Variants in ZNF277 observed in about 807,000 individuals in gnomAD.
ZNF277 encodes zinc finger protein 277, also known as nuclear receptor-interacting factor 4.
Under a neutral mutation model 60.7 loss-of-function variants are expected in ZNF277, and 55 were observed. The ratio of observed to expected loss-of-function variants is 0.91; its 90% CI spans 0.73 to 1.13. ZNF277 has a LOEUF of 1.13. Among genes scored for constraint, ZNF277 ranks in the 50% most tolerant of loss-of-function variants. The pLI is 0.00. For synonymous variants in ZNF277, 178 were observed against 179.3 expected (o/e 0.99, Z 0.06); for missense variants, 510 against 523.0 (o/e 0.98, Z 0.24).
intron 1 of ZNF277, among the ~76,000 whole-genome samples, chr7:112,262,651 C>G (rs1191699336): frequency 1.3e-5 from 2 of 151,980 alleles, no homozygotes; most frequent in Non-Finnish European, 2.9e-5. Flanking sequence ...TAGAGGGCTA[C>G]ATATTTTTAA....
chr7:112,271,064 G>A (rs1472366343), intron 1 of ZNF277, among the ~76,000 whole-genome samples: 14 of 152,064 alleles, frequency 9.2e-5, no homozygotes. Context: ...TATTCATTAG[G>A]ATGTCATTTT....
intron 1 of ZNF277, among the ~76,000 whole-genome samples, chr7:112,252,422 G>A (rs779836802): frequency 3.3e-5 from 5 of 152,064 alleles, no homozygotes; most frequent in Admixed American, 1.3e-4. Context: ...TTCTGTGTGC[G>A]GTACAAGGGT....
chr7:112,245,648 ACCT>A (rs920833165), intron 1 of ZNF277, among the ~76,000 whole-genome samples: 12 of 152,052 alleles, frequency 7.9e-5, no homozygotes, highest in African/African-American at 2.9e-4. Context: ...CTTTCCGGCA[ACCT>A]TTGGCATTCC....
At chr7:112,316,741 T>C (rs1192395678) in intron 4 of ZNF277, among the ~76,000 whole-genome samples, 1 of 152,100 alleles carries the variant, frequency 6.6e-6, no homozygotes, top group Non-Finnish European at 1.5e-5. Flanking sequence ...GAAGACGGTG[T>C]GGCAATTCCT....
chr7:112,210,014 G>A (rs1402918225), intron 1 of ZNF277, among the ~76,000 whole-genome samples: 1 of 152,142 alleles, frequency 6.6e-6, no homozygotes, highest in Non-Finnish European at 1.5e-5. Context: ...GGGGGATGGG[G>A]AAGGGATAGC....
intron 4 of ZNF277, among the ~76,000 whole-genome samples, chr7:112,316,328 T>C (rs1466303567): frequency 3.3e-5 from 5 of 152,154 alleles, no homozygotes; most frequent in African/African-American, 9.7e-5. Flanking sequence ...TGTTGGTTTT[T>C]TTCATATATT....
chr7:112,246,359 A>G (rs555042195), intron 1 of ZNF277, among the ~76,000 whole-genome samples: 1 of 152,162 alleles, frequency 6.6e-6, no homozygotes, highest in Non-Finnish European at 1.5e-5. Context: ...ATGCCACTGC[A>G]CTCCAGCCTC....
intron 1 of ZNF277, among the ~76,000 whole-genome samples, chr7:112,248,739 T>C (rs941871173): frequency 5.9e-5 from 9 of 152,160 alleles, no homozygotes; most frequent in African/African-American, 2.2e-4. Flanking sequence ...CCTAGTCTGA[T>C]TGTTTTAGGC....
chr7:112,336,036 A>G, intron 7 of ZNF277, 68 bp from the exon 8 acceptor site: 2 of 1,379,556 alleles, frequency 1.4e-6, no homozygotes, highest in East Asian at 4.8e-5. Context: ...GATTTTTTTC[A>G]AAGTTCTACA....
chr7:112,328,737 G>T (rs1372559023), intron 6 of ZNF277, among the ~76,000 whole-genome samples: 1 of 151,994 alleles, frequency 6.6e-6, no homozygotes, highest in East Asian at 1.9e-4. Flanking sequence ...GGGCATGGTG[G>T]TGCATGCCTG....
At chr7:112,301,502 C>T (rs758143277) in intron 4 of ZNF277, among the ~76,000 whole-genome samples, 7 of 152,078 alleles carry the variant, frequency 4.6e-5, no homozygotes, top group East Asian at 1.9e-4. Context: ...AGGCAATGGT[C>T]CCTGCCCTTG....
chr7:112,324,058 A>G (rs1793043746), intron 5 of ZNF277, among the ~76,000 whole-genome samples: 1 of 152,230 alleles, frequency 6.6e-6, no homozygotes, highest in South Asian at 2.1e-4. Flanking sequence ...GCTTTTAAGG[A>G]CCATTGTGAA....
intron 9 of ZNF277, 143 bp from the exon 10 acceptor site, chr7:112,339,700 C>G: frequency 1.4e-6 from 1 of 733,850 alleles, no homozygotes; most frequent in South Asian, 1.8e-5. Flanking sequence ...AGTAGTTAGA[C>G]TTGGAAGACT....
At chr7:112,315,891 A>G (rs1792834087) in intron 4 of ZNF277, among the ~76,000 whole-genome samples, 1 of 152,090 alleles carries the variant, frequency 6.6e-6, no homozygotes, top group African/African-American at 2.4e-5. Flanking sequence ...ATTTTGTAAG[A>G]AAGATTTTAA....
At chr7:112,337,404 GAT>G (rs1793354966) in intron 8 of ZNF277, among the ~76,000 whole-genome samples, 1 of 152,190 alleles carries the variant, frequency 6.6e-6, no homozygotes, top group African/African-American at 2.4e-5. Context: ...CACATTTTCT[GAT>G]ATGTCTCCTT....
At chr7:112,314,631 A>C (rs1481546411) in intron 4 of ZNF277, among the ~76,000 whole-genome samples, 1 of 152,022 alleles carries the variant, frequency 6.6e-6, no homozygotes, top group African/African-American at 2.4e-5. Context: ...CTGTCTCTAC[A>C]AAAAAATACA....
Position 112,318,272 on chromosome 7 carries a change from A to AG in ZNF277, c.557+1dup, listed in dbSNP as rs1381524963. On this transcript the variant is annotated frameshift_variant and splice_region_variant, in exon 5 of 12. Coordinates refer to ENST00000361822, the MANE Select transcript of ZNF277 (RefSeq NM_021994.3). LOFTEE classifies it high-confidence loss of function. The stretch of plus-strand genomic sequence containing the variant: ...TTGCAATGAAGAATTCCTTGGAAAC[A>AG]GGTTTGCCATTTTGCATCTTTAAAT... The AG allele has an allele frequency of 6.2e-7, 1 of 1,612,234 alleles. No homozygotes were observed. Among genetic ancestry groups the AG allele is most frequent in the Admixed American group, 1.7e-5 (1 of 59,978 alleles).
chr7:112,217,735 T>C (rs1563194036), intron 1 of ZNF277, among the ~76,000 whole-genome samples: 3 of 152,208 alleles, frequency 2.0e-5, no homozygotes, highest in South Asian at 4.1e-4. Context: ...TTAAAAATTA[T>C]GGTTTAGTAG....
intron 1 of ZNF277, among the ~76,000 whole-genome samples, chr7:112,236,143 T>G (rs1790779651): frequency 6.6e-6 from 1 of 152,078 alleles, no homozygotes; most frequent in South Asian, 2.1e-4. Context: ...ACTGTAGCGT[T>G]TTAGTAAGTT....
Sources: allele counts gnomAD v4.1 joint callset (sites outside exome capture counted in the v4.1 genomes callset), GRCh38; gene constraint gnomAD v4.1.1; transcripts MANE v1.5; gene names NCBI Gene and HGNC (gene_info 2026-07-23, HGNC 2026-07-21).